The following MGAT4C variants were observed in gnomAD, a reference collection of about 807,000 sequenced individuals.
MGAT4C encodes MGAT4 family member C, also known as alpha-1,3-mannosyl-glycoprotein 4-beta-N-acetylglucosaminyltransferase C.
In MGAT4C, 19 loss-of-function variants were observed where a neutral mutation model predicts 40.1. That is an observed-to-expected ratio of 0.47 (90% CI 0.33 to 0.70). The LOEUF is 0.70. Among genes scored for constraint, MGAT4C ranks in the 30% least tolerant of loss-of-function variants. The pLI, the probability that MGAT4C is intolerant of heterozygous loss-of-function variation, is 0.02. For synonymous variants in MGAT4C, 181 were observed against 187.1 expected, an observed-to-expected ratio of 0.97 and a Z score of 0.27; for missense variants, 491 against 563.2, an observed-to-expected ratio of 0.87 and a Z score of 1.30.
intron 4 of MGAT4C, among the ~76,000 whole-genome samples, chr12:86,325,040 C>A (rs1954493462): frequency 6.6e-6 from 1 of 152,052 alleles, no homozygotes; most frequent in Non-Finnish European, 1.5e-5. Context: ...TGTTCAGAAG[C>A]AGTCAATTGT....
At chr12:86,496,653 C>A (rs1361756955) in intron 2 of MGAT4C, among the ~76,000 whole-genome samples, 1 of 151,922 alleles carries the variant, frequency 6.6e-6, no homozygotes, top group Non-Finnish European at 1.5e-5. Context: ...GTTAACAAAT[C>A]TGATTGCATG....
At chr12:86,641,026 T>C (rs562548602) in intron 2 of MGAT4C, among the ~76,000 whole-genome samples, 1 of 152,122 alleles carries the variant, frequency 6.6e-6, no homozygotes, top group Non-Finnish European at 1.5e-5. Flanking sequence ...CTTCCAAGTA[T>C]GTGGTCAATT....
intron 1 of MGAT4C, among the ~76,000 whole-genome samples, chr12:86,789,181 CA>C (rs1189692860): frequency 3.9e-5 from 6 of 152,138 alleles, no homozygotes; most frequent in African/African-American, 9.7e-5. Flanking sequence ...TAACATTAAA[CA>C]ATAACTTTGC....
At chr12:86,527,655 T>C (rs887605917) in intron 2 of MGAT4C, among the ~76,000 whole-genome samples, 1 of 152,212 alleles carries the variant, frequency 6.6e-6, no homozygotes, top group African/African-American at 2.4e-5. Context: ...TTTTGGTGTG[T>C]CCTCTTTTAT....
intron 1 of MGAT4C, among the ~76,000 whole-genome samples, chr12:86,760,642 T>G (rs147246724): frequency 7.3e-4 from 111 of 152,186 alleles, no homozygotes; most frequent in Non-Finnish European, 1.4e-3. Flanking sequence ...AACAATATGG[T>G]GAGTTCCACA....
intron 1 of MGAT4C, among the ~76,000 whole-genome samples, chr12:86,818,354 A>G (rs1459398146): frequency 6.6e-6 from 1 of 151,308 alleles, no homozygotes; most frequent in Non-Finnish European, 1.5e-5. Flanking sequence ...GACATTAAAA[A>G]TCAGTGAACA....
chr12:86,567,288 A>T (rs1960175033), intron 2 of MGAT4C, among the ~76,000 whole-genome samples: 1 of 152,124 alleles, frequency 6.6e-6, no homozygotes, highest in Non-Finnish European at 1.5e-5. Flanking sequence ...CTGGCCTAGA[A>T]GTCATGTTAT....
intron 4 of MGAT4C, among the ~76,000 whole-genome samples, chr12:86,271,217 G>A (rs1445256486): frequency 6.6e-6 from 1 of 152,144 alleles, no homozygotes. Context: ...AACACAGTGA[G>A]GAGAAAACCT....
intron 1 of MGAT4C, among the ~76,000 whole-genome samples, chr12:86,070,985 G>T (rs1335026037): frequency 2.0e-5 from 3 of 152,010 alleles, no homozygotes; most frequent in East Asian, 1.9e-4. Context: ...ATTCTAAATT[G>T]CAGCTAAAGC....
intron 1 of MGAT4C, among the ~76,000 whole-genome samples, chr12:86,096,645 G>A (rs868671073): frequency 1.6e-4 from 24 of 150,752 alleles, no homozygotes; most frequent in South Asian, 6.3e-4. Flanking sequence ...TCTGATTTAC[G>A]TTGTTCTTTT....
At chr12:86,263,819 A>C (rs528789559) in intron 4 of MGAT4C, among the ~76,000 whole-genome samples, 1 of 152,246 alleles carries the variant, frequency 6.6e-6, no homozygotes, top group African/African-American at 2.4e-5. Flanking sequence ...CCTTTTCTCT[A>C]AATTCTCACT....
chr12:86,015,049 G>C (rs1382526166), intron 2 of MGAT4C, among the ~76,000 whole-genome samples: 2 of 148,670 alleles, frequency 1.3e-5, no homozygotes, highest in Non-Finnish European at 3.0e-5. Flanking sequence ...CTGAGCTCCA[G>C]TGATCAGCCT....
intron 3 of MGAT4C, among the ~76,000 whole-genome samples, chr12:86,426,966 G>A (rs983435005): frequency 2.0e-5 from 3 of 151,068 alleles, no homozygotes; most frequent in Admixed American, 1.3e-4. Flanking sequence ...AAAAGAAGAA[G>A]AGAGAGAGAG....
At position 86,074,688 on chromosome 12, in the gene MGAT4C, C is replaced by T. The variant is rs543050757; in HGVS notation, c.-56-24965G>A. 5.3e-5 allele frequency among the ~76,000 whole-genome samples: 8 copies of T among 152,310 alleles called. No individual in the cohort carries two copies. The East Asian group carries it at 1.5e-3, about 29-fold the overall frequency. ...TATAAAGAAAAAGAGGTTTAATGCA[C>T]TCACAGTTCCACGTGGCTGGGGAAG... is the stretch of plus-strand genomic sequence containing the variant. On this transcript the variant is annotated intron_variant, in intron 1 of 4. Transcript: ENST00000611864.
chr12:86,146,723 CAA>C (rs1221154589), intron 1 of MGAT4C, among the ~76,000 whole-genome samples: 1 of 151,840 alleles, frequency 6.6e-6, no homozygotes, highest in Non-Finnish European at 1.5e-5. Flanking sequence ...AGTGTCTTCT[CAA>C]TAGTAATCAG....
intron 2 of MGAT4C, among the ~76,000 whole-genome samples, chr12:86,584,555 T>A (rs983785964): frequency 1.3e-5 from 2 of 151,196 alleles, no homozygotes; most frequent in African/African-American, 4.8e-5. Context: ...TTCTTTTACC[T>A]ATTTTGTATT....
At position 86,702,181 on chromosome 12, in the gene MGAT4C, C is replaced by T. The variant is rs137970596; in HGVS notation, c.-229+25028G>A. 8.0e-4 allele frequency among the ~76,000 whole-genome samples: 121 copies of T among 151,304 alleles called. 2 individuals carry two copies. The highest frequency in any genetic ancestry group is 2.8e-3 in the African/African-American group (116 of 41,398). The stretch of plus-strand genomic sequence containing the variant: ...AGTAGCTAGCTGAGTCTTGCAAGTG[C>T]ATGCCACCACACCCACACACCCAGC... On this transcript the variant is annotated intron_variant, in intron 2 of 7. Transcript: ENST00000548651.
intron 2 of MGAT4C, among the ~76,000 whole-genome samples, chr12:86,449,514 A>G (rs1213266445): frequency 1.3e-5 from 2 of 152,146 alleles, no homozygotes; most frequent in Non-Finnish European, 2.9e-5. Flanking sequence ...GCCATTTATC[A>G]AATCAAATTA....
Position 86,689,067 on chromosome 12 carries a change from T to C in MGAT4C, c.-229+38142A>G, listed in dbSNP as rs147840512. Among the ~76,000 whole-genome samples the C allele has an allele frequency of 8.7e-3, 1,319 of 152,328 alleles. 7 individuals are homozygous for C. Among genetic ancestry groups the C allele is most frequent in the Middle Eastern group, 0.017 (5 of 294 alleles). On this transcript the variant is annotated intron_variant, in intron 2 of 7. Transcript: ENST00000548651. The stretch of plus-strand genomic sequence containing the variant: ...TCTTTTTCATTTCTCTCTAATCTTG[T>C]CTTCACACCTTATTTTGTTAAGTTG...
Sources: allele counts gnomAD v4.1 joint callset (sites outside exome capture counted in the v4.1 genomes callset), GRCh38; gene constraint gnomAD v4.1.1; transcripts MANE v1.5; gene names NCBI Gene and HGNC (gene_info 2026-07-23, HGNC 2026-07-21).